Variants in SLC30A4 observed in about 807,000 individuals in gnomAD.
SLC30A4 encodes probable proton-coupled zinc antiporter SLC30A4.
In SLC30A4, 20 loss-of-function variants were observed where a neutral mutation model predicts 41.7. That is an observed-to-expected ratio of 0.48 (90% CI 0.34 to 0.70). The LOEUF is 0.70. Ranked by LOEUF, SLC30A4 falls within the 30% of genes least tolerant of loss-of-function variation. The pLI, the probability that SLC30A4 is intolerant of heterozygous loss-of-function variation, is 0.01. For missense variants in SLC30A4, 441 were observed against 529.3 expected (o/e 0.83, Z 1.64); for synonymous variants, 181 against 195.9 (o/e 0.92, Z 0.64).
rs771391617 is a variant in SLC30A4, at chr15:45,489,041, T to C, written c.694A>G (p.Met232Val). The C allele has an allele frequency of 6.3e-7, 1 of 1,599,236 alleles. No individual in the cohort carries two copies. The highest frequency in any genetic ancestry group is 8.5e-7 in the Non-Finnish European group (1 of 1,173,598). Residue 232 changes from methionine to valine, a missense_variant and splice_region_variant, in exon 5 of 8, where the codon ATG (methionine) becomes GTG (valine). By Grantham distance (21) the Met-to-Val change is conservative. This residue lies in a region of SLC30A4 where 312 missense variants were observed against 341.9 expected (regional missense o/e 0.91). Coordinates refer to ENST00000261867, the MANE Select transcript of SLC30A4 (RefSeq NM_013309.6). ...CCAGACTGGTTCAACAGAAACCCCATTCTGTTAAAAATAAAAGAAAACATT... is the reference window on the plus strand; with the variant it reads ...CCAGACTGGTTCAACAGAAACCCCACTCTGTTAAAAATAAAAGAAAACATT... ...AAVGVAVNVIMGFLLNQSGHR... is the reference protein window; with the variant it reads ...AAVGVAVNVIVGFLLNQSGHR...
chr15:45,488,662 C>T (rs1382231366), intron 5 of SLC30A4, among the ~76,000 whole-genome samples, 179 bp downstream of exon 5: 6 of 152,050 alleles, frequency 3.9e-5, no homozygotes, highest in South Asian at 2.1e-4. Flanking sequence ...TACCCTGTGA[C>T]GTGATATCAT....
intron 2 of SLC30A4, among the ~76,000 whole-genome samples, chr15:45,520,119 GTAAA>G (rs1892619164): frequency 2.0e-5 from 3 of 152,132 alleles, no homozygotes; most frequent in Admixed American, 6.6e-5. Context: ...TATTAAATGA[GTAAA>G]TAAATAAGAT....
chr15:45,508,258 C>G (rs1035101555), intron 3 of SLC30A4, among the ~76,000 whole-genome samples: 4 of 152,154 alleles, frequency 2.6e-5, no homozygotes, highest in African/African-American at 9.6e-5. Context: ...TTTGGAGCAT[C>G]AACTTCCACA....
At chr15:45,504,396 A>T (rs1168176831) in intron 3 of SLC30A4, among the ~76,000 whole-genome samples, 2 of 152,258 alleles carry the variant, frequency 1.3e-5, no homozygotes, top group Non-Finnish European at 2.9e-5. Flanking sequence ...AAGTATAAGT[A>T]GAGACGGACA....
At chr15:45,487,953 GGAAAAA>G in intron 5 of SLC30A4, among the ~76,000 whole-genome samples, 1 of 75,074 alleles carries the variant, frequency 1.3e-5, no homozygotes, top group African/African-American at 6.1e-5. Context: ...TGTCAAAGCT[GGAAAAA>G]AGTGTGTGTG....
intron 6 of SLC30A4, among the ~76,000 whole-genome samples, 196 bp from the exon 7 acceptor site, chr15:45,486,941 G>A (rs1490671681): frequency 1.3e-5 from 2 of 151,198 alleles, no homozygotes; most frequent in Admixed American, 1.3e-4. Context: ...ATACAAGAGG[G>A]TAATACATAC....
chr15:45,487,641 T>A lies in SLC30A4; in HGVS notation c.895-9A>T. On this transcript the variant is annotated splice_polypyrimidine_tract_variant and intron_variant, in intron 5 of 7. Coordinates refer to ENST00000261867, the MANE Select transcript of SLC30A4 (RefSeq NM_013309.6). ...GCAATCTTGTATTCTGGCTAAAGGG[T>A]AATAGATCAAAATTTATGATTAAAT... 7.8e-7 allele frequency: 1 copy of A among 1,285,206 alleles called. No individual in the cohort carries two copies. Among genetic ancestry groups the A allele is most frequent in the South Asian group, 1.2e-5 (1 of 82,970 alleles). The allele number at this position is 1,285,206 out of a possible 1,614,324, so 79.6% of individuals were successfully genotyped here.
rs1356536808 is a variant in SLC30A4 at position 45,522,361 on chromosome 15, G to C, written c.-7C>G. The C allele has an allele frequency of 6.3e-7, 1 of 1,594,018 alleles. No individual in the cohort carries two copies. Among genetic ancestry groups the C allele is most frequent in the Non-Finnish European group, 8.5e-7 (1 of 1,171,612 alleles). Reference sequence around the variant, plus strand: ...ACGCGCCAGAGCCGGCCATGGCAGAGGCTGAGCGGCCGCGGTGCGGAACGG... The same window carrying C: ...ACGCGCCAGAGCCGGCCATGGCAGACGCTGAGCGGCCGCGGTGCGGAACGG... On this transcript the variant is annotated 5_prime_UTR_variant, in exon 2 of 8. Transcript: ENST00000261867.
chr15:45,486,606 C>A lies in SLC30A4; in HGVS notation c.1135+5G>T. 1 of 1,589,202 alleles carries A rather than the reference C, an allele frequency of 6.3e-7. No individual in the cohort carries two copies. Among genetic ancestry groups the A allele is most frequent in the Non-Finnish European group, 8.5e-7 (1 of 1,171,828 alleles). ...CCAGGCCCACATTTACTACCAGCAA[C>A]ATACTTAGCTGTATGTGAACTATGG... On this transcript the variant is annotated splice_donor_5th_base_variant and intron_variant, in intron 7 of 7. Transcript: ENST00000261867.
At chr15:45,510,586 A>T (rs1354457797) in intron 3 of SLC30A4, among the ~76,000 whole-genome samples, 1 of 152,270 alleles carries the variant, frequency 6.6e-6, no homozygotes, top group African/African-American at 2.4e-5. Context: ...GTAATACAGT[A>T]AGAAGCAGAG....
Position 45,482,513 on chromosome 15 carries a change from T to C in SLC30A4, c.*2650A>G, listed in dbSNP as rs1417472319. 1.3e-5 allele frequency: 2 copies of C among 152,098 alleles called. No individual in the cohort carries two copies. The highest frequency in any genetic ancestry group is 2.1e-4 in the South Asian group (1 of 4,828). 9.4% of individuals were successfully genotyped at this position (152,098 alleles called of 1,614,324 possible). A position where few individuals can be genotyped will look rare whatever the true frequency, so the allele number is the denominator to read the frequency against. On this transcript the variant is annotated 3_prime_UTR_variant, in exon 8 of 8. Transcript: ENST00000261867. The stretch of plus-strand genomic sequence containing the variant: ...AACAGGTCGATACAAAAGCGAGATA[T>C]GCCTTTATAAGATAAAGAAAAGTTT...
intron 3 of SLC30A4, among the ~76,000 whole-genome samples, chr15:45,510,859 A>G (rs1197102415): frequency 1.3e-5 from 2 of 152,258 alleles, no homozygotes; most frequent in Non-Finnish European, 2.9e-5. Flanking sequence ...GCTTTGTTCA[A>G]TAAACTGAAA....
intron 4 of SLC30A4, among the ~76,000 whole-genome samples, chr15:45,489,617 T>A (rs1204960166): frequency 1.0e-5 from 1 of 98,242 alleles, no homozygotes; most frequent in Non-Finnish European, 1.9e-5. Flanking sequence ...CAGGGACTGT[T>A]GTGGGGTGGG....
Position 45,488,760 on chromosome 15 carries a change from T to C in SLC30A4, c.894+81A>G. On this transcript the variant is annotated intron_variant, in intron 5 of 7. Coordinates refer to ENST00000261867, the MANE Select transcript of SLC30A4 (RefSeq NM_013309.6). The stretch of plus-strand genomic sequence containing the variant: ...GAATAGAACTGGCACTGGTGTCCAG[T>C]ATACTGATATGACAATCAGCCTTAG... 3 of 1,064,020 alleles carry C rather than the reference T, an allele frequency of 2.8e-6. No individual in the cohort carries two copies. The South Asian group carries it at 4.1e-5, about 14-fold the overall frequency. 65.9% of individuals were successfully genotyped at this position (1,064,020 alleles called of 1,614,324 possible). A position where few individuals can be genotyped will look rare whatever the true frequency, so the allele number is the denominator to read the frequency against.
rs550223193 is a variant in SLC30A4 at position 45,515,102 on chromosome 15, G to T, written c.392-3818C>A. On this transcript the variant is annotated intron_variant, in intron 2 of 7. Transcript: ENST00000261867. ...AGGTGTCACTATGTTGTCCAGGCTG[G>T]TCTTGAATTCTTGGACTCAGGCAAT... 2.2e-3 allele frequency among the ~76,000 whole-genome samples: 330 copies of T among 151,658 alleles called. 1 individual carries two copies. The highest frequency in any genetic ancestry group is 7.8e-3 in the African/African-American group (322 of 41,288).
At chr15:45,509,379 G>A (rs1892230461) in intron 3 of SLC30A4, among the ~76,000 whole-genome samples, 1 of 151,520 alleles carries the variant, frequency 6.6e-6, no homozygotes. Context: ...TCAGCTTCCT[G>A]AGTAGCTGGG....
chr15:45,486,270 G>A (rs560021347), intron 7 of SLC30A4, among the ~76,000 whole-genome samples: 56 of 152,056 alleles, frequency 3.7e-4, no homozygotes, highest in Non-Finnish European at 5.3e-4. Context: ...TGATCCACCC[G>A]CCTCAGCCTT....
rs1891662376 is a variant in SLC30A4, at chr15:45,484,602, A to G, written c.*561T>C. ...AAAGTATAATCATAACAATAACATT[A>G]AGACTTATGTGTGAAATAAAACATT... On this transcript the variant is annotated 3_prime_UTR_variant, in exon 8 of 8. Transcript: ENST00000261867. 6.6e-6 allele frequency: 1 copy of G among 152,298 alleles called. No homozygotes were observed. The highest frequency in any genetic ancestry group is 2.4e-5 in the African/African-American group (1 of 41,466). 9.4% of individuals were successfully genotyped at this position (152,298 alleles called of 1,614,324 possible). A position where few individuals can be genotyped will look rare whatever the true frequency, so the allele number is the denominator to read the frequency against.
chr15:45,497,485 T>C (rs1364287644), intron 3 of SLC30A4, among the ~76,000 whole-genome samples: 1 of 152,174 alleles, frequency 6.6e-6, no homozygotes, highest in Non-Finnish European at 1.5e-5. Flanking sequence ...AATATGTGTA[T>C]TTGCTACAAG....
Sources: allele counts gnomAD v4.1 joint callset (sites outside exome capture counted in the v4.1 genomes callset), GRCh38; gene constraint gnomAD v4.1.1; regional missense constraint gnomAD v4.1.1; transcripts MANE v1.5; gene names NCBI Gene and HGNC (gene_info 2026-07-23, HGNC 2026-07-21).